Variants in SCTR observed in about 807,000 individuals in gnomAD.
The protein encoded by SCTR is secretin receptor, also known as pancreatic secretin receptor.
In SCTR, 56 loss-of-function variants were observed where a neutral mutation model predicts 60.8. That is an observed-to-expected ratio of 0.92 (90% CI 0.74 to 1.15). The LOEUF is 1.15. SCTR is among the 50% of genes most tolerant of loss of function. The probability of loss-of-function intolerance (pLI) is 0.00; values close to 1 mark genes in which losing one functional copy is unlikely to be tolerated. For missense variants in SCTR, 562 were observed against 550.4 expected (o/e 1.02, Z -0.21); for synonymous variants, 202 against 217.0 (o/e 0.93, Z 0.61).
chr2:119,448,895 G>T, intron 9 of SCTR, 115 bp from the exon 10 acceptor site: 1 of 644,830 alleles, frequency 1.6e-6, no homozygotes, highest in Admixed American at 2.3e-5. Flanking sequence ...CCACAGCCAG[G>T]ATGGCCCACC....
At position 119,501,847 on chromosome 2, in the gene SCTR, CA is replaced by C. The variant is rs565407333; in HGVS notation, c.73-7300del. 7.3e-5 allele frequency among the ~76,000 whole-genome samples: 11 copies of C among 150,670 alleles called. No homozygotes were observed. In the South Asian group the frequency reaches 8.4e-4, roughly 12 times the overall value. On this transcript the variant is annotated intron_variant, in intron 1 of 12. Transcript: ENST00000019103. ...ACATAGAAAATCCCAAGGAATCTAC[CA>C]AAAAAAAATCCTAGAACTAAAAAGT... is the stretch of plus-strand genomic sequence containing the variant.
At chr2:119,489,984 A>G (rs1030201183) in intron 2 of SCTR, among the ~76,000 whole-genome samples, 4 of 152,180 alleles carry the variant, frequency 2.6e-5, no homozygotes, top group Non-Finnish European at 5.9e-5. Context: ...GGCTGCTGTC[A>G]TTGGAATTTC....
chr2:119,448,197 C>G (rs1683005511), intron 10 of SCTR, among the ~76,000 whole-genome samples: 1 of 152,212 alleles, frequency 6.6e-6, no homozygotes, highest in South Asian at 2.1e-4. Context: ...CTCCAGAACT[C>G]TGAGAAAATA....
intron 10 of SCTR, among the ~76,000 whole-genome samples, chr2:119,447,788 T>G (rs918205000): frequency 3.3e-5 from 5 of 152,180 alleles, no homozygotes; most frequent in Non-Finnish European, 7.4e-5. Context: ...ACCAGGCTGG[T>G]CTCGAACTCC....
In SCTR at chr2:119,518,504, G is replaced by T. The variant is rs556820760; in HGVS notation, c.72+5651C>A. On this transcript the variant is annotated intron_variant, in intron 1 of 12. Coordinates refer to ENST00000019103, the MANE Select transcript of SCTR (RefSeq NM_002980.3). Reference sequence around the variant, plus strand: ...GCCTGCAGCACAATGGGCTAAGACTGCGGGACGTGATGAACCAGGGATGAC... The same window carrying T: ...GCCTGCAGCACAATGGGCTAAGACTTCGGGACGTGATGAACCAGGGATGAC... 1.5e-3 allele frequency among the ~76,000 whole-genome samples: 229 copies of T among 152,296 alleles called. 2 individuals are homozygous for T. Among genetic ancestry groups the T allele is most frequent in the African/African-American group, 5.4e-3 (223 of 41,568 alleles).
rs182042543 is a variant in SCTR, at chr2:119,447,640, C to T, written c.1014-755G>A. On this transcript the variant is annotated intron_variant, in intron 10 of 12. Transcript: ENST00000019103. Reference sequence around the variant, plus strand: ...AGGCAGGAGTGCAGTGGCGCAATCGCGGCTCACTGCAACCTCTGCCTCCCA... The same window carrying T: ...AGGCAGGAGTGCAGTGGCGCAATCGTGGCTCACTGCAACCTCTGCCTCCCA... Among the ~76,000 whole-genome samples, 13 of 152,262 alleles carry T rather than the reference C, an allele frequency of 8.5e-5. 1 individual carries two copies. The highest frequency in any genetic ancestry group is 8.3e-4 in the South Asian group (4 of 4,816).
At chr2:119,456,647 AAGT>A (rs957213108) in intron 7 of SCTR, among the ~76,000 whole-genome samples, 1 of 152,164 alleles carries the variant, frequency 6.6e-6, no homozygotes, top group African/African-American at 2.4e-5. Flanking sequence ...AAACACTGGC[AAGT>A]ATACCAGGTT....
At chr2:119,481,903 G>A (rs1317157486) in intron 2 of SCTR, among the ~76,000 whole-genome samples, 1 of 152,186 alleles carries the variant, frequency 6.6e-6, no homozygotes. Flanking sequence ...GGGCCTGCCA[G>A]CTCTGGTGCT....
intron 2 of SCTR, among the ~76,000 whole-genome samples, chr2:119,488,911 G>A (rs553877881): frequency 2.1e-4 from 32 of 152,270 alleles, no homozygotes; most frequent in Non-Finnish European, 2.8e-4. Flanking sequence ...CACCGACTCC[G>A]GCTGACTCTA....
chr2:119,510,554 A>G (rs1678899157), intron 1 of SCTR, among the ~76,000 whole-genome samples: 1 of 152,188 alleles, frequency 6.6e-6, no homozygotes, highest in Non-Finnish European at 1.5e-5. Flanking sequence ...GCTGACATTT[A>G]GTAGCTATAT....
intron 3 of SCTR, among the ~76,000 whole-genome samples, chr2:119,475,369 C>G (rs1025746556): frequency 4.6e-5 from 7 of 152,118 alleles, no homozygotes; most frequent in African/African-American, 1.7e-4. Flanking sequence ...CAGGCCTGCC[C>G]GTTTGGGGCC....
intron 1 of SCTR, among the ~76,000 whole-genome samples, chr2:119,502,595 A>G (rs776959234): frequency 1.3e-5 from 2 of 152,192 alleles, no homozygotes; most frequent in African/African-American, 4.8e-5. Flanking sequence ...TTAATTATTC[A>G]TAAGTGCTAA....
intron 1 of SCTR, among the ~76,000 whole-genome samples, chr2:119,507,864 A>C (rs553715119): frequency 1.3e-5 from 2 of 151,848 alleles, no homozygotes; most frequent in East Asian, 3.9e-4. Context: ...TTTTTAGTAG[A>C]GATGGAGTTT....
At chr2:119,510,046 A>G (rs1678881517) in intron 1 of SCTR, among the ~76,000 whole-genome samples, 1 of 152,134 alleles carries the variant, frequency 6.6e-6, no homozygotes, top group Non-Finnish European at 1.5e-5. Flanking sequence ...CAGGTTTGTT[A>G]CATAGGTATA....
chr2:119,448,914 C>T (rs967140083), intron 9 of SCTR, 134 bp from the exon 10 acceptor site: 11 of 620,378 alleles, frequency 1.8e-5, no homozygotes, highest in South Asian at 5.7e-5. Flanking sequence ...CCAGTGCTGC[C>T]GCTCCTCTCC....
At chr2:119,479,391 G>T (rs1015364749) in intron 2 of SCTR, 11 of 449,488 alleles carry the variant, frequency 2.4e-5, no homozygotes, top group African/African-American at 2.1e-4. Flanking sequence ...GGTGGGCCCA[G>T]GCATCATGTC....
intron 4 of SCTR, among the ~76,000 whole-genome samples, chr2:119,471,768 G>A (rs908245851): frequency 3.3e-5 from 5 of 152,144 alleles, no homozygotes; most frequent in African/African-American, 1.2e-4. Context: ...CTTATGGGGA[G>A]GTATCAGAAG....
chr2:119,482,681 G>T (rs146138533), intron 2 of SCTR, among the ~76,000 whole-genome samples: 1 of 152,200 alleles, frequency 6.6e-6, no homozygotes. Flanking sequence ...AGCTGTGGAC[G>T]CTGCTGGCTG....
chr2:119,522,334 A>C (rs955264790), intron 1 of SCTR, among the ~76,000 whole-genome samples: 1 of 152,078 alleles, frequency 6.6e-6, no homozygotes, highest in Non-Finnish European at 1.5e-5. Flanking sequence ...AAGGAAATAC[A>C]AGGGGTATAA....
Sources: gnomAD v4.1 joint callset for allele counts (sites outside exome capture counted in the v4.1 genomes callset) on GRCh38, gnomAD v4.1.1 for gene constraint, MANE v1.5 for transcripts, NCBI Gene and HGNC (gene_info 2026-07-23, HGNC 2026-07-21) for gene names.